Variants in KATNB1 observed in about 807,000 individuals in gnomAD.
KATNB1 encodes the protein katanin p80 WD40 repeat-containing subunit B1.
In KATNB1, 38 loss-of-function variants were observed where a neutral mutation model predicts 82.3. That is an observed-to-expected ratio of 0.46 (90% CI 0.36 to 0.61). The LOEUF is 0.61. KATNB1 is among the 20% of genes least tolerant of loss of function. The probability of loss-of-function intolerance (pLI) is 0.00; values close to 1 mark genes in which losing one functional copy is unlikely to be tolerated. For missense variants in KATNB1, 749 were observed against 915.7 expected (o/e 0.82, Z 2.35); for synonymous variants, 361 against 368.7 (o/e 0.98, Z 0.24).
chr16:57,754,065 AC>A, intron 13 of KATNB1, 70 bp downstream of exon 13: 1 of 1,326,756 alleles, frequency 7.5e-7, no homozygotes, highest in African/African-American at 1.5e-5. Flanking sequence ...CTTCCTGTGA[AC>A]CCTCCCAACA....
chr16:57,756,362 CCA>C lies in KATNB1; in HGVS notation c.1726_1727del (p.Gln576AspfsTer39). 1 of 1,613,762 alleles carries C rather than the reference CCA, an allele frequency of 6.2e-7. No homozygotes were observed. The highest frequency in any genetic ancestry group is 8.5e-7 in the Non-Finnish European group (1 of 1,179,886). On this transcript the variant is annotated frameshift_variant, in exon 19 of 20. Transcript: ENST00000379661. LOFTEE classifies it high-confidence loss of function. The part of the protein sequence containing the change: ...LLQSKYESYV[Q>X]TGCTSLKLIL... Reference sequence around the variant, plus strand: ...CATCCATCTCCCCCTAAAGCTACGTCCAGACGGGCTGCACCTCCCTGAAGCTG... The same window carrying C: ...CATCCATCTCCCCCTAAAGCTACGTCGACGGGCTGCACCTCCCTGAAGCTG...
intron 12 of KATNB1, 40 bp downstream of exon 12, chr16:57,753,559 G>A (rs782783841): frequency 1.2e-5 from 19 of 1,604,792 alleles, no homozygotes; most frequent in Admixed American, 3.4e-5. Flanking sequence ...CGTCCCCATC[G>A]GTGAAAGGGA....
chr16:57,748,457 C>T, intron 4 of KATNB1, among the ~76,000 whole-genome samples: 1 of 142,028 alleles, frequency 7.0e-6, no homozygotes, highest in Admixed American at 7.0e-5. Flanking sequence ...GAGACCCCAT[C>T]TCTATTTTTT....
chr16:57,746,213 A>C (rs2148791794), intron 4 of KATNB1, among the ~76,000 whole-genome samples: 1 of 152,326 alleles, frequency 6.6e-6, no homozygotes, highest in East Asian at 1.9e-4. Flanking sequence ...TGGCAATAAA[A>C]TATCGCCCTC....
In KATNB1 at chr16:57,753,428, C is replaced by G. The variant is rs782540305; in HGVS notation, c.1086C>G (p.Ser362Arg). The G allele has an allele frequency of 6.2e-7, 1 of 1,613,044 alleles. No individual in the cohort carries two copies. Among genetic ancestry groups the G allele is most frequent in the South Asian group, 1.1e-5 (1 of 91,080 alleles). Reference protein sequence around the residue: ...QNSESERRSPSSEDDRDERES... With the variant: ...QNSESERRSPRSEDDRDERES... The stretch of plus-strand genomic sequence containing the variant: ...CAGAGAGCGAGCGCCGCAGCCCCAG[C>G]AGCGAGGATGACCGGGACGAGCGCG... The change falls in exon 12 of 20, where the codon AGC becomes AGG. Residue 362 changes from serine to arginine, a missense_variant. By Grantham distance (110) the Ser-to-Arg change is moderately radical (BLOSUM62 -1). Coordinates refer to ENST00000379661, the MANE Select transcript of KATNB1 (RefSeq NM_005886.3).
At chr16:57,741,017 AG>A (rs2049138061) in intron 2 of KATNB1, among the ~76,000 whole-genome samples, 1 of 152,210 alleles carries the variant, frequency 6.6e-6, no homozygotes, top group African/African-American at 2.4e-5. Context: ...TTTCCAGACG[AG>A]GAGCCAGGCC....
At chr16:57,752,404 C>T in intron 8 of KATNB1, 126 bp from the exon 9 acceptor site, 1 of 866,278 alleles carries the variant, frequency 1.2e-6, no homozygotes, top group Non-Finnish European at 1.8e-6. Context: ...CCAGCTCTGC[C>T]CCAGATGTTG....
Position 57,751,117 on chromosome 16 carries a change from T to C in KATNB1, c.391-144T>C. Reference sequence around the variant, plus strand: ...CTTCTGCTCAGAATGCCAGCTTTAGTGAGCAGTTTCTGTCCTTGTCTCCGT... The same window carrying C: ...CTTCTGCTCAGAATGCCAGCTTTAGCGAGCAGTTTCTGTCCTTGTCTCCGT... On this transcript the variant is annotated intron_variant, in intron 5 of 19. Coordinates refer to ENST00000379661, the MANE Select transcript of KATNB1 (RefSeq NM_005886.3). This position sits in a 1 kb window ranked among gnomAD's most constrained non-coding sequence, Gnocchi z 6.3. The C allele has an allele frequency of 1.2e-6, 1 of 865,856 alleles. No homozygotes were observed. Among genetic ancestry groups the C allele is most frequent in the South Asian group, 1.5e-5 (1 of 68,558 alleles). The allele number at this position is 865,856 out of a possible 1,614,324, so 53.6% of individuals were successfully genotyped here. A position where few individuals can be genotyped will look rare whatever the true frequency, so the allele number is the denominator to read the frequency against.
intron 4 of KATNB1, among the ~76,000 whole-genome samples, chr16:57,750,115 C>G (rs2049213981): frequency 6.6e-6 from 1 of 152,230 alleles, no homozygotes; most frequent in Non-Finnish European, 1.5e-5. Context: ...AGCAGCTTCT[C>G]TCCCAGCTTG....
intron 8 of KATNB1, 100 bp from the exon 9 acceptor site, chr16:57,752,430 C>A: frequency 9.1e-7 from 1 of 1,099,766 alleles, no homozygotes; most frequent in Non-Finnish European, 1.3e-6. Context: ...GGTGGCCCTG[C>A]CCTGGGGGAG....
At chr16:57,752,662 G>A in intron 9 of KATNB1, 61 bp downstream of exon 9, 1 of 1,546,498 alleles carries the variant, frequency 6.5e-7, no homozygotes, top group African/African-American at 1.4e-5. Context: ...GTGGCTGTGG[G>A]TGGGCCTTTC....
rs569220354 is a variant in KATNB1 at position 57,751,392 on chromosome 16, AC to A, written c.432+91del. 804 of 1,310,190 alleles carry A rather than the reference AC, an allele frequency of 6.1e-4. 6 individuals are homozygous for A. The African/African-American group carries it at 9.6e-3, about 16-fold the overall frequency. 81.2% of individuals were successfully genotyped at this position (1,310,190 alleles called of 1,614,324 possible). ...CAGACCCCAGCAGGGGGTGGAGGGGACGGCTGTCCCACATGGGTGATAACAT... is the reference window on the plus strand; with the variant it reads ...CAGACCCCAGCAGGGGGTGGAGGGGAGGCTGTCCCACATGGGTGATAACAT... On this transcript the variant is annotated intron_variant, in intron 6 of 19. Coordinates refer to ENST00000379661, the MANE Select transcript of KATNB1 (RefSeq NM_005886.3). This position sits in a 1 kb window ranked among gnomAD's most constrained non-coding sequence, Gnocchi z 6.3.
chr16:57,752,175 T>C (rs1341143334), intron 8 of KATNB1, 120 bp downstream of exon 8: 6 of 724,750 alleles, frequency 8.3e-6, no homozygotes, highest in Non-Finnish European at 1.5e-5. Context: ...GATGATCCTG[T>C]GTGGACTGAA....
chr16:57,755,536 G>A (rs1555585709), intron 16 of KATNB1, 42 bp downstream of exon 16: 3 of 1,592,158 alleles, frequency 1.9e-6, no homozygotes, highest in Non-Finnish European at 2.6e-6. Context: ...TCGCCCCCCT[G>A]CCCCTGCCAC....
chr16:57,744,084 G>A (rs1555580537), intron 3 of KATNB1, among the ~76,000 whole-genome samples: 1 of 152,222 alleles, frequency 6.6e-6, no homozygotes, highest in African/African-American at 2.4e-5. Context: ...CCTTTATCTT[G>A]TCCAGTCGCT....
rs36003999 is a variant in KATNB1, at chr16:57,738,476, G to A, written c.40+1193G>A. Among the ~76,000 whole-genome samples, 1,445 of 151,928 alleles carry A rather than the reference G, an allele frequency of 9.5e-3. 13 individuals are homozygous for A. The highest frequency in any genetic ancestry group is 0.017 in the Non-Finnish European group (1,130 of 67,970). Reference sequence around the variant, plus strand: ...TCACCATGTTGGCCAGACTCGTCTCGAACCCCTGACCTCAGGTGATCCACG... The same window carrying A: ...TCACCATGTTGGCCAGACTCGTCTCAAACCCCTGACCTCAGGTGATCCACG... On this transcript the variant is annotated intron_variant, in intron 2 of 19. Transcript: ENST00000379661.
At chr16:57,743,013 C>T (rs565273817) in intron 3 of KATNB1, among the ~76,000 whole-genome samples, 3 of 152,196 alleles carry the variant, frequency 2.0e-5, no homozygotes, top group African/African-American at 4.8e-5. Flanking sequence ...GAGGAATAGG[C>T]CGGGCACAGT....
At chr16:57,740,297 G>C (rs965606594) in intron 2 of KATNB1, among the ~76,000 whole-genome samples, 1 of 152,166 alleles carries the variant, frequency 6.6e-6, no homozygotes, top group African/African-American at 2.4e-5. Flanking sequence ...ACCGGCCCAG[G>C]AGGCAGGGTG....
intron 13 of KATNB1, 126 bp from the exon 14 acceptor site, chr16:57,754,804 G>T: frequency 1.0e-6 from 1 of 987,178 alleles, no homozygotes; most frequent in Non-Finnish European, 1.6e-6. Context: ...CCACTGGCCT[G>T]CAGCCTCCCC....
Sources: gnomAD v4.1 joint callset for allele counts (sites outside exome capture counted in the v4.1 genomes callset) on GRCh38, gnomAD v4.1.1 for gene constraint, Gnocchi (gnomAD v3.1) non-coding constraint, MANE v1.5 for transcripts, NCBI Gene and HGNC (gene_info 2026-07-23, HGNC 2026-07-21) for gene names.